The following DFFB variants were observed in gnomAD, a reference collection of about 807,000 sequenced individuals.
The protein encoded by DFFB is DNA fragmentation factor 40 kDa subunit.
Under a neutral mutation model 32.7 loss-of-function variants are expected in DFFB, and 29 were observed. The ratio of observed to expected loss-of-function variants is 0.89; its 90% CI spans 0.66 to 1.21. The LOEUF (loss-of-function observed/expected upper bound fraction) is 1.21. Ranked by LOEUF, DFFB falls within the 50% of genes most tolerant of loss-of-function variation. The pLI is 0.00. For missense variants in DFFB, 398 were observed against 440.6 expected, an observed-to-expected ratio of 0.90 and a Z score of 0.87; for synonymous variants, 170 against 177.1, an observed-to-expected ratio of 0.96 and a Z score of 0.32.
chr1:3,872,344 C>A (rs548674788), intron 5 of DFFB, 128 bp from the exon 6 acceptor site: 3 of 646,162 alleles, frequency 4.6e-6, no homozygotes, highest in East Asian at 2.8e-5. Context: ...ACACGGGAGG[C>A]GGAGGTTGTA....
At position 3,883,544 on chromosome 1, in the gene DFFB, G is replaced by T; in HGVS notation, c.820G>T (p.Glu274Ter). 1 of 1,614,228 alleles carries T rather than the reference G, an allele frequency of 6.2e-7. No homozygotes were observed. Among genetic ancestry groups the T allele is most frequent in the African/African-American group, 1.3e-5 (1 of 75,054 alleles). The stretch of plus-strand genomic sequence containing the variant: ...ACGCACCATCATTCCTACACTGGTG[G>T]AAGCAATTAAGGAACAAGATGGAAG... ...KKRTIIPTLV[E>*]AIKEQDGREV... is the part of the protein sequence containing the mutation. The change falls in exon 7 of 7, where the codon GAA becomes TAA. Residue 274 changes from glutamate (E) to a stop codon, truncating the protein, a stop_gained. Transcript: ENST00000378209. LOFTEE classifies it low-confidence loss of function (END_TRUNC).
At chr1:3,875,195 T>G (rs999266162) in intron 6 of DFFB, among the ~76,000 whole-genome samples, 1 of 152,250 alleles carries the variant, frequency 6.6e-6, no homozygotes, top group African/African-American at 2.4e-5. Context: ...TTTCTCATCA[T>G]TATAAAAATC....
At chr1:3,882,954 C>A (rs942411222) in intron 6 of DFFB, among the ~76,000 whole-genome samples, 3 of 150,962 alleles carry the variant, frequency 2.0e-5, no homozygotes, top group African/African-American at 7.3e-5. Flanking sequence ...AGGTGGTTGA[C>A]CCCCTTTATT....
intron 6 of DFFB, among the ~76,000 whole-genome samples, chr1:3,877,001 C>T (rs939367256): frequency 1.2e-4 from 19 of 152,170 alleles, no homozygotes; most frequent in African/African-American, 3.9e-4. Context: ...TCCTGCCTCC[C>T]GTGGGAGGGC....
chr1:3,869,922 G>A (rs1252170373), intron 5 of DFFB, 147 bp downstream of exon 5: 15 of 863,914 alleles, frequency 1.7e-5, no homozygotes, highest in Non-Finnish European at 2.4e-5. Flanking sequence ...CCCAGGGAGG[G>A]CGGCAGTGTC....
chr1:3,879,834 A>C (rs1166340792), intron 6 of DFFB, among the ~76,000 whole-genome samples: 2 of 152,222 alleles, frequency 1.3e-5, no homozygotes, highest in African/African-American at 4.8e-5. Context: ...TGGGTTCTTC[A>C]TAAAACGAGC....
chr1:3,868,084 G>A lies in DFFB; in HGVS notation c.510+31G>A, dbSNP rs377219792. On this transcript the variant is annotated intron_variant, in intron 4 of 6. Coordinates refer to ENST00000378209, the MANE Select transcript of DFFB (RefSeq NM_004402.4). ...CCTGAGTGAAGACCGGGTATGCTGGGCGGGTTTTTGAAGCCAGGCTCTGTG... is the reference window on the plus strand; with the variant it reads ...CCTGAGTGAAGACCGGGTATGCTGGACGGGTTTTTGAAGCCAGGCTCTGTG... 8.1e-6 allele frequency: 13 copies of A among 1,609,098 alleles called. 1 individual carries two copies. The South Asian group carries it at 9.9e-5, about 12-fold the overall frequency.
At chr1:3,882,099 G>A (rs1645350587) in intron 6 of DFFB, among the ~76,000 whole-genome samples, 1 of 152,158 alleles carries the variant, frequency 6.6e-6, no homozygotes, top group Non-Finnish European at 1.5e-5. Flanking sequence ...AACCAGGCTA[G>A]AATGCAGTGG....
intron 3 of DFFB, chr1:3,866,427 TG>T: frequency 4.1e-6 from 1 of 245,758 alleles, no homozygotes; most frequent in Non-Finnish European, 8.2e-6. Context: ...TGCCAATTTT[TG>T]TATTTTTAGT....
intron 5 of DFFB, among the ~76,000 whole-genome samples, 167 bp downstream of exon 5, chr1:3,869,942 G>A (rs185515977): frequency 6.6e-6 from 1 of 152,366 alleles, no homozygotes; most frequent in Admixed American, 6.5e-5. Context: ...CTCAGCCAGT[G>A]CCTCTCAAGC....
At position 3,883,550 on chromosome 1, in the gene DFFB, A is replaced by C. The variant is rs751536478; in HGVS notation, c.826A>C (p.Ile276Leu). The C allele has an allele frequency of 1.2e-6, 2 of 1,614,216 alleles. No homozygotes were observed. Among genetic ancestry groups the C allele is most frequent in the Non-Finnish European group, 8.5e-7 (1 of 1,180,038 alleles). The change falls in exon 7 of 7, where the codon ATT (isoleucine) becomes CTT (leucine). Residue 276 changes from isoleucine (I) to leucine (L), a missense_variant. Coordinates refer to ENST00000378209, the MANE Select transcript of DFFB (RefSeq NM_004402.4). ...CATCATTCCTACACTGGTGGAAGCA[A>C]TTAAGGAACAAGATGGAAGAGAAGT... ...RTIIPTLVEA[I>L]KEQDGREVDW... is the part of the protein sequence containing the mutation.
intron 2 of DFFB, chr1:3,860,551 T>C (rs1644861479): frequency 5.7e-6 from 2 of 351,262 alleles, no homozygotes; most frequent in African/African-American, 4.2e-5. Flanking sequence ...TTAGAAATAA[T>C]GACAGATTCC....
At chr1:3,877,177 T>A (rs1206286090) in intron 6 of DFFB, among the ~76,000 whole-genome samples, 1 of 152,106 alleles carries the variant, frequency 6.6e-6, no homozygotes, top group African/African-American at 2.4e-5. Flanking sequence ...TTACTTCACT[T>A]TATTAACGTT....
At chr1:3,875,813 GTC>G (rs1309680563) in intron 6 of DFFB, among the ~76,000 whole-genome samples, 2 of 152,146 alleles carry the variant, frequency 1.3e-5, no homozygotes, top group Non-Finnish European at 2.9e-5. Context: ...GTCTCACTCT[GTC>G]GCCCAGGCTG....
intron 6 of DFFB, among the ~76,000 whole-genome samples, chr1:3,876,211 A>G (rs1645218932): frequency 6.6e-6 from 1 of 152,226 alleles, no homozygotes; most frequent in Non-Finnish European, 1.5e-5. Flanking sequence ...GCCACATGCA[A>G]CAAGTACCCA....
chr1:3,868,654 AC>A (rs1645037097), intron 4 of DFFB, among the ~76,000 whole-genome samples: 1 of 41,594 alleles, frequency 2.4e-5, no homozygotes. Flanking sequence ...GCCACACCAC[AC>A]CAGGCCACAC....
chr1:3,870,012 C>T (rs12739949), intron 5 of DFFB, among the ~76,000 whole-genome samples: 2 of 152,234 alleles, frequency 1.3e-5, no homozygotes, highest in African/African-American at 4.8e-5. Context: ...CGCCCCAGGG[C>T]TTGTCTCGGT....
rs1645070879 is a variant in DFFB at position 3,869,653 on chromosome 1, C to T, written c.559C>T (p.Leu187=). 1 of 1,613,584 alleles carries T rather than the reference C, an allele frequency of 6.2e-7. No individual in the cohort carries two copies. Among genetic ancestry groups the T allele is most frequent in the Non-Finnish European group, 8.5e-7 (1 of 1,179,856 alleles). Residue 187 remains leucine, a synonymous_variant, in exon 5 of 7, where the codon CTG becomes TTG. Transcript: ENST00000378209. The stretch of plus-strand genomic sequence containing the variant: ...GGGTGCGGAGGCTCAGGAGGAATTC[C>T]TGCGGGTCCTCGGCTCCATGTGCCA... The part of the protein sequence containing the change: ...TVGAEAQEEF[L]RVLGSMCQRL...
chr1:3,872,635 C>CCTGTCCCTGCCGCGGCA, intron 6 of DFFB, 63 bp downstream of exon 6: 1 of 1,420,876 alleles, frequency 7.0e-7, no homozygotes, highest in Non-Finnish European at 9.9e-7. Flanking sequence ...CTGCCGTGGC[C>CCTGTCCCTGCCGCGGCA]CTGTCCCTGC....
Sources: gnomAD v4.1 joint callset for allele counts (sites outside exome capture counted in the v4.1 genomes callset) on GRCh38, gnomAD v4.1.1 for gene constraint, MANE v1.5 for transcripts, NCBI Gene and HGNC (gene_info 2026-07-23, HGNC 2026-07-21) for gene names.